Variants in AGBL4 observed in about 807,000 individuals in gnomAD.
AGBL4 encodes cytosolic carboxypeptidase 6.
A neutral mutation model predicts 66.4 loss-of-function variants in AGBL4; 58 were observed. The ratio of observed to expected loss-of-function variants is 0.87; its 90% CI spans 0.71 to 1.09. The LOEUF (loss-of-function observed/expected upper bound fraction) is 1.09. Among genes scored for constraint, AGBL4 ranks in the 50% least tolerant of loss-of-function variants. The pLI, the probability that AGBL4 is intolerant of heterozygous loss-of-function variation, is 0.00. For missense variants in AGBL4, 579 were observed against 631.0 expected, an observed-to-expected ratio of 0.92 and a Z score of 0.88; for synonymous variants, 234 against 222.9, an observed-to-expected ratio of 1.05 and a Z score of -0.44.
intron 6 of AGBL4, among the ~76,000 whole-genome samples, chr1:48,669,284 C>T (rs562151450): frequency 6.6e-6 from 1 of 152,298 alleles, no homozygotes; most frequent in Non-Finnish European, 1.5e-5. Context: ...CATGGCTTCA[C>T]CTATAATAGC....
At chr1:49,185,743 T>A (rs572432608) in intron 4 of AGBL4, among the ~76,000 whole-genome samples, 1 of 152,270 alleles carries the variant, frequency 6.6e-6, no homozygotes, top group East Asian at 1.9e-4. Context: ...GCTTATGCAA[T>A]ACTCTGCCTA....
At chr1:49,600,245 T>C (rs1644928609) in intron 3 of AGBL4, among the ~76,000 whole-genome samples, 1 of 152,204 alleles carries the variant, frequency 6.6e-6, no homozygotes, top group African/African-American at 2.4e-5. Context: ...TGTGGGTGTC[T>C]AAGTCTCTTT....
chr1:49,273,496 T>C (rs1449926156), intron 3 of AGBL4, among the ~76,000 whole-genome samples: 1 of 150,474 alleles, frequency 6.6e-6, no homozygotes, highest in Non-Finnish European at 1.5e-5. Context: ...TAAGAGGTTA[T>C]ACAAGAGTTT....
rs1222764265 is a variant in AGBL4 at position 49,296,720 on chromosome 1, G to A, written c.283-50856C>T. Among the ~76,000 whole-genome samples the A allele has an allele frequency of 2.0e-5, 3 of 152,098 alleles. No individual in the cohort carries two copies. In the South Asian group the frequency reaches 6.2e-4, roughly 31 times the overall value. ...CAGAGAAATTGAATTGAGTTCTTTG[G>A]GTTTATCAACATGAAAAATAGGTAC... On this transcript the variant is annotated intron_variant, in intron 3 of 13. Coordinates refer to ENST00000371839, the MANE Select transcript of AGBL4 (RefSeq NM_032785.4).
chr1:49,371,605 G>A (rs1644346694), intron 3 of AGBL4, among the ~76,000 whole-genome samples: 1 of 152,104 alleles, frequency 6.6e-6, no homozygotes, highest in South Asian at 2.1e-4. Context: ...CTTCTAGGTT[G>A]TTTGGCTGTT....
At chr1:48,718,578 T>C (rs1274592366) in intron 6 of AGBL4, among the ~76,000 whole-genome samples, 1 of 152,128 alleles carries the variant, frequency 6.6e-6, no homozygotes, top group Non-Finnish European at 1.5e-5. Flanking sequence ...TGGAAAAGAA[T>C]GTATCAGGGG....
intron 3 of AGBL4, among the ~76,000 whole-genome samples, chr1:49,470,569 T>C (rs1331839461): frequency 6.6e-6 from 1 of 151,934 alleles, no homozygotes; most frequent in African/African-American, 2.4e-5. Flanking sequence ...CAGACCAAAT[T>C]GAGGACTAGC....
intron 3 of AGBL4, among the ~76,000 whole-genome samples, chr1:49,346,240 G>GTT (rs1350153093): frequency 6.6e-6 from 1 of 152,118 alleles, no homozygotes; most frequent in Non-Finnish European, 1.5e-5. Flanking sequence ...CTCGTCTGTT[G>GTT]TTTTTGAGGG....
intron 4 of AGBL4, among the ~76,000 whole-genome samples, chr1:49,146,946 T>A (rs1361404703): frequency 6.6e-6 from 1 of 152,188 alleles, no homozygotes; most frequent in Non-Finnish European, 1.5e-5. Context: ...ATGGAGGAAA[T>A]CATAATTCAT....
chr1:48,986,328 G>C (rs902879675), intron 5 of AGBL4, among the ~76,000 whole-genome samples: 1 of 151,812 alleles, frequency 6.6e-6, no homozygotes, highest in Admixed American at 6.6e-5. Context: ...TGAATCCCAA[G>C]CACAAAAAAC....
At chr1:49,563,293 T>C (rs1338727037) in intron 3 of AGBL4, among the ~76,000 whole-genome samples, 8 of 152,032 alleles carry the variant, frequency 5.3e-5, no homozygotes, top group African/African-American at 1.7e-4. Context: ...AATTGAATGC[T>C]CTTTATTTCC....
chr1:49,158,662 T>C (rs1227254581), intron 4 of AGBL4, among the ~76,000 whole-genome samples: 1 of 152,028 alleles, frequency 6.6e-6, no homozygotes, highest in African/African-American at 2.4e-5. Flanking sequence ...GTATTGACAG[T>C]GGGATGTTAA....
chr1:49,554,830 T>G (rs1393761681), intron 3 of AGBL4, among the ~76,000 whole-genome samples: 1 of 152,194 alleles, frequency 6.6e-6, no homozygotes, highest in African/African-American at 2.4e-5. Flanking sequence ...GGAGTGAAGC[T>G]GCAGACCTTC....
At chr1:48,821,482 T>C (rs1184660577) in intron 6 of AGBL4, among the ~76,000 whole-genome samples, 1 of 152,072 alleles carries the variant, frequency 6.6e-6, no homozygotes, top group Non-Finnish European at 1.5e-5. Flanking sequence ...CTAAGTGAAA[T>C]AACTCAGAAA....
chr1:49,971,236 C>T lies in AGBL4; in HGVS notation c.34+52527G>A, dbSNP rs532137189. ...TTCTGAGTAGCACAATGATATCTTG[C>T]GCAGTCCTGTGCTGTCCTACCTGGA... On this transcript the variant is annotated intron_variant, in intron 1 of 13. Coordinates refer to ENST00000371839, the MANE Select transcript of AGBL4 (RefSeq NM_032785.4). 1.2e-4 allele frequency among the ~76,000 whole-genome samples: 18 copies of T among 152,224 alleles called. No individual in the cohort carries two copies. In the East Asian group the frequency reaches 3.3e-3, roughly 28 times the overall value.
intron 4 of AGBL4, among the ~76,000 whole-genome samples, chr1:49,074,272 G>A (rs1644668089): frequency 6.6e-6 from 1 of 152,212 alleles, no homozygotes; most frequent in South Asian, 2.1e-4. Flanking sequence ...GGGCATGAGT[G>A]TACCATTCCT....
chr1:48,840,792 A>G (rs1295699374), intron 6 of AGBL4, among the ~76,000 whole-genome samples: 1 of 152,256 alleles, frequency 6.6e-6, no homozygotes, highest in Non-Finnish European at 1.5e-5. Context: ...TGTTCACACA[A>G]AAACCTGTAA....
chr1:48,607,676 C>T (rs772389498), intron 9 of AGBL4, among the ~76,000 whole-genome samples: 8 of 152,114 alleles, frequency 5.3e-5, no homozygotes, highest in Middle Eastern at 3.4e-3. Context: ...GTATCTTAGC[C>T]ATCATAAACA....
intron 11 of AGBL4, among the ~76,000 whole-genome samples, chr1:48,558,219 G>C (rs1223412802): frequency 6.6e-6 from 1 of 152,092 alleles, no homozygotes; most frequent in Non-Finnish European, 1.5e-5. Context: ...ACGCATCCTC[G>C]CTTTAAGTAC....
Sources: gnomAD v4.1 joint callset for allele counts (sites outside exome capture counted in the v4.1 genomes callset) on GRCh38, gnomAD v4.1.1 for gene constraint, MANE v1.5 for transcripts, NCBI Gene and HGNC (gene_info 2026-07-23, HGNC 2026-07-21) for gene names.